ATP9A: variants seen among roughly 807,000 people sequenced by gnomAD.
ATP9A encodes the protein probable phospholipid-transporting ATPase IIA.
In ATP9A, 52 loss-of-function variants were observed where a neutral mutation model predicts 144.1. The ratio of observed to expected loss-of-function variants is 0.36; its 90% CI spans 0.29 to 0.45. The LOEUF (loss-of-function observed/expected upper bound fraction) is 0.45. Ranked by LOEUF, ATP9A falls within the 20% of genes least tolerant of loss-of-function variation. The pLI is 1.00. For synonymous variants in ATP9A, 582 were observed against 557.4 expected (o/e 1.04, Z -0.62); for missense variants, 947 against 1,392.7 (o/e 0.68, Z 5.09).
chr20:51,611,791 T>C lies in ATP9A; in HGVS notation c.2572-1626A>G, dbSNP rs543418862. On this transcript the variant is annotated intron_variant, in intron 23 of 27. Transcript: ENST00000338821. This position sits in a 1 kb window ranked among gnomAD's most constrained non-coding sequence, Gnocchi z 4.2. ...TGGTGAGTTAACATAAAAGTACAGA[T>C]GTGGTCTGGTGAACCACAGCAGCTG... Among the ~76,000 whole-genome samples the C allele has an allele frequency of 5.9e-5, 9 of 152,244 alleles. No individual in the cohort carries two copies. Among genetic ancestry groups the C allele is most frequent in the Admixed American group, 1.3e-4 (2 of 15,284 alleles).
At chr20:51,659,861 T>A (rs1168297128) in intron 13 of ATP9A, among the ~76,000 whole-genome samples, 1 of 152,242 alleles carries the variant, frequency 6.6e-6, no homozygotes, top group African/African-American at 2.4e-5. Flanking sequence ...GCGCTCTGCC[T>A]TCCTGCTCTG....
intron 17 of ATP9A, among the ~76,000 whole-genome samples, chr20:51,626,652 T>C (rs1334043738): frequency 1.4e-5 from 2 of 147,086 alleles, no homozygotes; most frequent in African/African-American, 5.1e-5. Context: ...TCAGAATAAA[T>C]GTGCAAAAAA....
At chr20:51,636,252 T>G (rs1333058648) in intron 15 of ATP9A, among the ~76,000 whole-genome samples, 1 of 152,134 alleles carries the variant, frequency 6.6e-6, no homozygotes, top group Non-Finnish European at 1.5e-5. Flanking sequence ...GACAGATGAT[T>G]CATGTCCGGG....
chr20:51,669,910 G>A, intron 13 of ATP9A, 87 bp downstream of exon 13: 2 of 903,774 alleles, frequency 2.2e-6, no homozygotes, highest in Non-Finnish European at 3.6e-6. Context: ...TGGGTGAATT[G>A]TACGGTATTG....
rs545059519 is a variant in ATP9A at position 51,696,217 on chromosome 20, G to A, written c.496-73C>T. 22 of 1,421,778 alleles carry A rather than the reference G, an allele frequency of 1.5e-5. No homozygotes were observed. The Admixed American group carries it at 2.5e-4, about 16-fold the overall frequency. The allele number at this position is 1,421,778 out of a possible 1,614,324, so 88.1% of individuals were successfully genotyped here. ...CTGTGCGGTGGGGAGGGGGGCTTCC[G>A]CCCCCACCCCCAACCCCTCGGTGGG... is the stretch of plus-strand genomic sequence containing the variant. On this transcript the variant is annotated intron_variant, in intron 5 of 27. Transcript: ENST00000338821.
At position 51,651,337 on chromosome 20, in the gene ATP9A, A is replaced by ATATATATTTACATT. The variant is rs1568803598; in HGVS notation, c.1506+5600_1506+5601insAATGTAAATATATA. ...ATATTATATAATATATATTTACATAATATATTATATAATATATATTTACAT... is the reference window on the plus strand; with the variant it reads ...ATATTATATAATATATATTTACATAATATATATTTACATTTATATTATATAATATATATTTACAT... On this transcript the variant is annotated intron_variant, in intron 14 of 27. Transcript: ENST00000338821. Among the ~76,000 whole-genome samples, 13 of 141,630 alleles carry ATATATATTTACATT rather than the reference A, an allele frequency of 9.2e-5. 1 individual carries two copies. The East Asian group carries it at 2.1e-3, about 23-fold the overall frequency. The allele number at this position is 141,630 out of a possible 152,430, so 92.9% of individuals were successfully genotyped here.
intron 14 of ATP9A, among the ~76,000 whole-genome samples, chr20:51,639,714 A>G (rs946028890): frequency 6.6e-6 from 1 of 152,170 alleles, no homozygotes; most frequent in African/African-American, 2.4e-5. Context: ...CTGCCCCTCT[A>G]TAAGGCACAA....
intron 1 of ATP9A, among the ~76,000 whole-genome samples, chr20:51,761,500 G>A (rs909491386): frequency 4.6e-5 from 7 of 152,188 alleles, no homozygotes; most frequent in Middle Eastern, 3.4e-3. Flanking sequence ...CGTGGCTCAC[G>A]GCTGTAATCC....
chr20:51,718,431 C>T (rs946664736), intron 3 of ATP9A, among the ~76,000 whole-genome samples: 2 of 151,390 alleles, frequency 1.3e-5, no homozygotes, highest in Admixed American at 6.6e-5. Context: ...CAATATCATG[C>T]GATCTTTTCT....
rs114646054 is a variant in ATP9A at position 51,752,139 on chromosome 20, A to C, written c.68+16163T>G. Reference sequence around the variant, plus strand: ...AGTGAATGGTCTGGAAAGATGTCCCAAAGACACAGCTGAGCTGAGACCTGG... The same window carrying C: ...AGTGAATGGTCTGGAAAGATGTCCCCAAGACACAGCTGAGCTGAGACCTGG... On this transcript the variant is annotated intron_variant, in intron 1 of 27. Coordinates refer to ENST00000338821, the MANE Select transcript of ATP9A (RefSeq NM_006045.3). 3.3e-3 allele frequency among the ~76,000 whole-genome samples: 510 copies of C among 152,306 alleles called. 6 individuals carry two copies. The highest frequency in any genetic ancestry group is 0.011 in the African/African-American group (471 of 41,578).
intron 17 of ATP9A, 108 bp from the exon 18 acceptor site, chr20:51,625,470 G>A: frequency 7.5e-7 from 1 of 1,325,300 alleles, no homozygotes; most frequent in South Asian, 1.5e-5. Flanking sequence ...CACACGGGGT[G>A]GGGGACCCCA....
At chr20:51,619,088 A>T in intron 19 of ATP9A, 45 bp from the exon 20 acceptor site, 1 of 1,546,364 alleles carries the variant, frequency 6.5e-7, no homozygotes, top group Non-Finnish European at 8.9e-7. Context: ...CTCTCCGGAC[A>T]TGATAGAACA....
intron 1 of ATP9A, among the ~76,000 whole-genome samples, chr20:51,748,301 G>A (rs899476328): frequency 6.6e-6 from 1 of 152,086 alleles, no homozygotes; most frequent in Admixed American, 6.6e-5. Context: ...AAAAATGGAA[G>A]AAGAAGAAAA....
In ATP9A at chr20:51,671,164, C is replaced by T. The variant is rs146526523; in HGVS notation, c.1131G>A (p.Thr377=). The T allele has an allele frequency of 1.6e-5, 26 of 1,614,006 alleles. No homozygotes were observed. Among genetic ancestry groups the T allele is most frequent in the African/African-American group, 1.1e-4 (8 of 74,908 alleles). ...AAATCCTGCCCAGCTGCTCAGGAAT[C>T]GTGCTGGAGCGAACCACGGTCCCGG... The part of the protein sequence containing the change: ...KIPGTVVRSS[T]IPEQLGRISY... The change falls in exon 12 of 28, where the codon ACG becomes ACA. Residue 377 remains threonine, a synonymous_variant. Transcript: ENST00000338821.
intron 14 of ATP9A, among the ~76,000 whole-genome samples, chr20:51,655,360 C>T (rs1014610977): frequency 1.3e-5 from 2 of 152,014 alleles, no homozygotes; most frequent in East Asian, 1.9e-4. Flanking sequence ...GAGATGGAGC[C>T]GGGAAGATCG....
intron 14 of ATP9A, among the ~76,000 whole-genome samples, chr20:51,648,737 C>G (rs914298708): frequency 1.5e-4 from 23 of 152,056 alleles, no homozygotes; most frequent in African/African-American, 5.6e-4. Context: ...AAGGCTGAGG[C>G]GGGAGGACTG....
At chr20:51,735,415 T>C (rs1017872952) in intron 1 of ATP9A, among the ~76,000 whole-genome samples, 3 of 152,348 alleles carry the variant, frequency 2.0e-5, no homozygotes, top group Admixed American at 6.5e-5. Context: ...ACTTTTCCTG[T>C]ATATTCTTTT....
chr20:51,625,329 C>T lies in ATP9A; in HGVS notation c.1879G>A (p.Asp627Asn), dbSNP rs921136938. 3.1e-6 allele frequency: 5 copies of T among 1,614,132 alleles called. No homozygotes were observed. The highest frequency in any genetic ancestry group is 1.1e-5 in the South Asian group (1 of 91,080). ...ACCGTGGCCACTTTGAGGGAGCGGT[C>T]GTGCACACTCAGCTTGGCCTGGACG... ...RYVQAKLSVHDRSLKVATVIE... is the reference protein window; with the variant it reads ...RYVQAKLSVHNRSLKVATVIE... Residue 627 changes from aspartate to asparagine, a missense_variant, in exon 18 of 28, where the codon GAC becomes AAC. Transcript: ENST00000338821.
chr20:51,646,650 C>A (rs1316598314), intron 14 of ATP9A, among the ~76,000 whole-genome samples: 1 of 152,218 alleles, frequency 6.6e-6, no homozygotes, highest in Non-Finnish European at 1.5e-5. Flanking sequence ...TGGCCAACCA[C>A]TGCCAGGTAG....
Sources: gnomAD v4.1 joint callset for allele counts (sites outside exome capture counted in the v4.1 genomes callset) on GRCh38, gnomAD v4.1.1 for gene constraint, Gnocchi (gnomAD v3.1) non-coding constraint, MANE v1.5 for transcripts, NCBI Gene and HGNC (gene_info 2026-07-23, HGNC 2026-07-21) for gene names.